Variants in APPBP2 observed in about 807,000 individuals in gnomAD.
APPBP2 encodes amyloid beta precursor protein binding protein 2, also known as amyloid protein-binding protein 2.
In APPBP2, 15 loss-of-function variants were observed where a neutral mutation model predicts 76.0. That is an observed-to-expected ratio of 0.20 (90% CI 0.13 to 0.30). The LOEUF (loss-of-function observed/expected upper bound fraction) is 0.30, where lower values mean the gene tolerates loss of function less well. Ranked by LOEUF, APPBP2 falls within the 10% of genes least tolerant of loss-of-function variation. APPBP2 has a pLI of 1.00. For synonymous variants in APPBP2, 222 were observed against 242.2 expected (o/e 0.92, Z 0.77); for missense variants, 401 against 687.2 (o/e 0.58, Z 4.66).
rs1168000922 is a variant in APPBP2, at chr17:60,494,727, A to G, written c.228-110T>C. ...TAGCACCATTATTTTCCAGGACGGA[A>G]TAAGATAAAAAGCATTTTGCCTTAT... On this transcript the variant is annotated intron_variant, in intron 2 of 12. Transcript: ENST00000083182. 6 of 1,056,138 alleles carry G rather than the reference A, an allele frequency of 5.7e-6. No homozygotes were observed. The Middle Eastern group carries it at 9.3e-4, about 164-fold the overall frequency. 65.4% of individuals were successfully genotyped at this position (1,056,138 alleles called of 1,614,324 possible).
intron 9 of APPBP2, among the ~76,000 whole-genome samples, chr17:60,456,751 C>T (rs941032608): frequency 1.3e-5 from 2 of 152,236 alleles, no homozygotes; most frequent in Admixed American, 6.5e-5. Context: ...CTCACCCTGG[C>T]TTTACCCTTT....
intron 11 of APPBP2, among the ~76,000 whole-genome samples, chr17:60,453,278 G>A (rs945255851): frequency 1.3e-5 from 2 of 151,488 alleles, no homozygotes; most frequent in Non-Finnish European, 2.9e-5. Context: ...CCATCTCCCA[G>A]GTTCAAGCAA....
At chr17:60,484,586 C>G (rs2090657853) in intron 3 of APPBP2, among the ~76,000 whole-genome samples, 1 of 152,136 alleles carries the variant, frequency 6.6e-6, no homozygotes, top group Admixed American at 6.5e-5. Context: ...TATCCTGAGA[C>G]TTTAAGGAAG....
At chr17:60,487,064 C>T (rs193070655) in intron 3 of APPBP2, among the ~76,000 whole-genome samples, 14 of 152,314 alleles carry the variant, frequency 9.2e-5, no homozygotes, top group Middle Eastern at 3.4e-3. Context: ...GAGAGATCCA[C>T]GGTTAGGCTG....
rs879334332 is a variant in APPBP2 at position 60,446,920 on chromosome 17, C to CA, written c.*660dup. 2,652 of 141,298 alleles carry CA rather than the reference C, an allele frequency of 0.019. 58 individuals are homozygous for CA. Among genetic ancestry groups the CA allele is most frequent in the African/African-American group, 0.063 (2,429 of 38,714 alleles). 8.8% of individuals were successfully genotyped at this position (141,298 alleles called of 1,614,324 possible). Reference sequence around the variant, plus strand: ...ATCAGAGCATCTTGCATTGTTGTACCAAAAAAAAAAAAGTCAGAAGTGCTG... The same window carrying CA: ...ATCAGAGCATCTTGCATTGTTGTACCAAAAAAAAAAAAAGTCAGAAGTGCTG... On this transcript the variant is annotated 3_prime_UTR_variant, in exon 13 of 13. Coordinates refer to ENST00000083182, the MANE Select transcript of APPBP2 (RefSeq NM_006380.5).
chr17:60,516,117 C>A (rs1468633243), intron 1 of APPBP2, among the ~76,000 whole-genome samples: 1 of 151,914 alleles, frequency 6.6e-6, no homozygotes, highest in Non-Finnish European at 1.5e-5. Flanking sequence ...GAGCAGAGAT[C>A]ATGCCACTGC....
intron 3 of APPBP2, among the ~76,000 whole-genome samples, chr17:60,488,608 A>G (rs1482360405): frequency 2.6e-5 from 4 of 152,026 alleles, no homozygotes; most frequent in Non-Finnish European, 5.9e-5. Flanking sequence ...TTCTGGTATG[A>G]CTTTTTCCTC....
intron 1 of APPBP2, among the ~76,000 whole-genome samples, chr17:60,506,879 T>C (rs1338300245): frequency 6.6e-6 from 1 of 152,002 alleles, no homozygotes; most frequent in Non-Finnish European, 1.5e-5. Flanking sequence ...CTACTAAAAA[T>C]ACAAAAATTA....
chr17:60,497,382 T>C (rs184548605), intron 2 of APPBP2, among the ~76,000 whole-genome samples: 1 of 152,230 alleles, frequency 6.6e-6, no homozygotes, highest in East Asian at 1.9e-4. Flanking sequence ...CAAATGAAGA[T>C]GGTTAATGGG....
At chr17:60,471,835 C>T (rs73326482) in intron 4 of APPBP2, among the ~76,000 whole-genome samples, 12,526 of 152,074 alleles carry the variant, frequency 0.082, 1,709 homozygotes, top group African/African-American at 0.28. Context: ...CCTTTTAAAA[C>T]GAGTTAGGGG....
intron 11 of APPBP2, among the ~76,000 whole-genome samples, chr17:60,452,248 G>A (rs988316567): frequency 2.0e-5 from 3 of 152,172 alleles, no homozygotes; most frequent in African/African-American, 7.2e-5. Flanking sequence ...ACTGATGACA[G>A]CAATAGTATC....
intron 3 of APPBP2, among the ~76,000 whole-genome samples, chr17:60,485,830 GGCTATTAGT>G (rs1420567022): frequency 1.3e-5 from 2 of 151,948 alleles, no homozygotes; most frequent in African/African-American, 4.8e-5. Flanking sequence ...TTCTCTTGTG[GGCTATTAGT>G]GCTATAAATT....
chr17:60,474,206 C>T (rs1316843709), intron 4 of APPBP2, among the ~76,000 whole-genome samples: 5 of 148,478 alleles, frequency 3.4e-5, no homozygotes, highest in South Asian at 2.1e-4. Flanking sequence ...GAGTTTTGCT[C>T]GTCGCCCAGG....
In APPBP2 at chr17:60,443,972, A is replaced by T. The variant is rs1178813135; in HGVS notation, c.*3609T>A. 1.3e-5 allele frequency: 2 copies of T among 152,344 alleles called. No individual in the cohort carries two copies. Among genetic ancestry groups the T allele is most frequent in the Non-Finnish European group, 2.9e-5 (2 of 68,016 alleles). The allele number at this position is 152,344 out of a possible 1,614,324, so 9.4% of individuals were successfully genotyped here. On this transcript the variant is annotated 3_prime_UTR_variant, in exon 13 of 13. Transcript: ENST00000083182. ...ATCCAAATGTCATATTAACAACAAA[A>T]AATTTCCTAGCCAGGCGTGGTGGCA...
At chr17:60,466,226 T>C (rs542197803) in intron 5 of APPBP2, 65 bp downstream of exon 5, 8 of 1,435,658 alleles carry the variant, frequency 5.6e-6, no homozygotes, top group African/African-American at 2.9e-5. Context: ...AGAAGACTAT[T>C]TGATTTACCC....
At chr17:60,486,441 C>T (rs922617962) in intron 3 of APPBP2, among the ~76,000 whole-genome samples, 1 of 151,908 alleles carries the variant, frequency 6.6e-6, no homozygotes, top group Non-Finnish European at 1.5e-5. Context: ...GATCCCTTTA[C>T]CATTATGTGA....
chr17:60,459,620 T>C (rs1397416920), intron 9 of APPBP2: 2 of 150,486 alleles, frequency 1.3e-5, no homozygotes, highest in East Asian at 2.0e-4. Flanking sequence ...GCCTCCCGAA[T>C]AGCTGGGATT....
At position 60,489,093 on chromosome 17, in the gene APPBP2, G is replaced by C. The variant is rs552003511; in HGVS notation, c.379+5373C>G. ...AAAAATTAGCTGGGTATGGTGGCAG[G>C]TGCCTATAATCCCAGCTACTCGGGA... On this transcript the variant is annotated intron_variant, in intron 3 of 12. Coordinates refer to ENST00000083182, the MANE Select transcript of APPBP2 (RefSeq NM_006380.5). Among the ~76,000 whole-genome samples, 5 of 151,994 alleles carry C rather than the reference G, an allele frequency of 3.3e-5. No homozygotes were observed. In the East Asian group the frequency reaches 5.8e-4, roughly 18 times the overall value.
intron 6 of APPBP2, chr17:60,462,807 G>C (rs909643004): frequency 6.6e-6 from 1 of 151,902 alleles, no homozygotes; most frequent in African/African-American, 2.4e-5. Context: ...AAAATTAGTC[G>C]GGTGAGGTGG....
Sources: gnomAD v4.1 joint callset for allele counts (sites outside exome capture counted in the v4.1 genomes callset) on GRCh38, gnomAD v4.1.1 for gene constraint, MANE v1.5 for transcripts, NCBI Gene and HGNC (gene_info 2026-07-23, HGNC 2026-07-21) for gene names.